The following SGCZ variants were observed in gnomAD, a reference collection of about 807,000 sequenced individuals.
The protein encoded by SGCZ is zeta-sarcoglycan.
SGCZ carries 40 observed loss-of-function variants against 41.3 expected under a neutral mutation model. That is an observed-to-expected ratio of 0.97 (90% confidence interval 0.75 to 1.26). The LOEUF (loss-of-function observed/expected upper bound fraction) is 1.26, where lower values mean the gene tolerates loss of function less well. Among genes scored for constraint, SGCZ ranks in the 50% most tolerant of loss-of-function variants. The pLI, the probability that SGCZ is intolerant of heterozygous loss-of-function variation, is 0.00. For synonymous variants in SGCZ, 206 were observed against 137.5 expected (o/e 1.50, Z -3.49); for missense variants, 552 against 369.8 (o/e 1.49, Z -4.04).
chr8:15,149,089 C>A (rs1256254244), intron 1 of SGCZ, among the ~76,000 whole-genome samples: 1 of 152,162 alleles, frequency 6.6e-6, no homozygotes, highest in East Asian at 1.9e-4. Flanking sequence ...TTAAGTGTCC[C>A]TGTTTTGAAG....
intron 2 of SGCZ, among the ~76,000 whole-genome samples, chr8:14,333,192 G>T (rs948021630): frequency 6.6e-6 from 1 of 152,030 alleles, no homozygotes; most frequent in African/African-American, 2.4e-5. Context: ...AAGGTTACCT[G>T]CTGGGAACCA....
At position 14,554,741 on chromosome 8, in the gene SGCZ, A is replaced by G. The variant is rs1240272524; in HGVS notation, c.225T>C (p.Asn75=). The change falls in exon 2 of 8, where the codon AAT becomes AAC. Residue 75 remains asparagine (N), a synonymous_variant. Transcript: ENST00000382080. The part of the protein sequence containing the change: ...AMTIWILKVM[N]FTVDGMGNLR... ...TCATAGTGGTACTTACCACAGTGAA[A>G]TTCATAACTTTCAATATCCATATTG... is the stretch of plus-strand genomic sequence containing the variant. The G allele has an allele frequency of 1.1e-5, 18 of 1,612,264 alleles. No individual in the cohort carries two copies. The highest frequency in any genetic ancestry group is 1.5e-5 in the Non-Finnish European group (18 of 1,178,988).
At chr8:14,272,462 T>G (rs1384911444) in intron 3 of SGCZ, among the ~76,000 whole-genome samples, 1 of 152,204 alleles carries the variant, frequency 6.6e-6, no homozygotes. Context: ...AAGTCCTGAC[T>G]GGTAGCACTT....
chr8:14,104,223 T>G (rs1563128736), intron 6 of SGCZ, among the ~76,000 whole-genome samples: 1 of 152,178 alleles, frequency 6.6e-6, no homozygotes, highest in African/African-American at 2.4e-5. Flanking sequence ...GTATTCATTT[T>G]TATAATTGTA....
intron 3 of SGCZ, among the ~76,000 whole-genome samples, chr8:14,242,059 A>C (rs767506892): frequency 2.0e-5 from 3 of 152,218 alleles, no homozygotes; most frequent in Non-Finnish European, 4.4e-5. Flanking sequence ...GGAGTTCCCA[A>C]TCTGGTAGCC....
intron 1 of SGCZ, among the ~76,000 whole-genome samples, chr8:14,865,171 C>T (rs949396675): frequency 5.3e-5 from 8 of 151,954 alleles, no homozygotes; most frequent in South Asian, 2.1e-4. Flanking sequence ...CAAGGTCCAC[C>T]GTCACGTGAC....
At chr8:14,137,574 TATCAGTGATTGAAAACCAA>T (rs1803239789) in intron 5 of SGCZ, among the ~76,000 whole-genome samples, 2 of 152,100 alleles carry the variant, frequency 1.3e-5, no homozygotes, top group South Asian at 4.1e-4. Flanking sequence ...GAAAAAAGGG[TATCAGTGATTGAAAACCAA>T]ATAAATGACA....
At chr8:15,227,327 C>A (rs1342624777) in intron 1 of SGCZ, among the ~76,000 whole-genome samples, 1 of 152,066 alleles carries the variant, frequency 6.6e-6, no homozygotes, top group East Asian at 1.9e-4. Context: ...AGTGGAAGAT[C>A]AAATAGGTAA....
At chr8:15,117,832 G>C (rs1807329264) in intron 1 of SGCZ, among the ~76,000 whole-genome samples, 1 of 152,028 alleles carries the variant, frequency 6.6e-6, no homozygotes, top group Admixed American at 6.6e-5. Context: ...AGTAGATCTA[G>C]GGCCAAAAAT....
At chr8:14,772,618 C>T (rs1005383188) in intron 1 of SGCZ, among the ~76,000 whole-genome samples, 1 of 141,136 alleles carries the variant, frequency 7.1e-6, no homozygotes, top group Non-Finnish European at 1.5e-5. Context: ...GTGATGTTCC[C>T]CTTCCTGGGT....
intron 1 of SGCZ, among the ~76,000 whole-genome samples, chr8:14,867,668 C>T (rs912064714): frequency 6.6e-6 from 1 of 151,988 alleles, no homozygotes; most frequent in Non-Finnish European, 1.5e-5. Flanking sequence ...AACACAGGAA[C>T]AGAAAACCAA....
At chr8:14,226,686 A>G (rs185042851) in intron 4 of SGCZ, among the ~76,000 whole-genome samples, 10 of 152,192 alleles carry the variant, frequency 6.6e-5, no homozygotes, top group Non-Finnish European at 2.9e-5. Context: ...TTTATGGTGT[A>G]AACATGTTTT....
intron 2 of SGCZ, among the ~76,000 whole-genome samples, chr8:14,379,224 G>A (rs896664691): frequency 2.0e-5 from 3 of 151,956 alleles, no homozygotes; most frequent in Non-Finnish European, 4.4e-5. Context: ...AGGAAACCCA[G>A]GAGAATCAAT....
At chr8:14,848,426 A>T (rs1309033692) in intron 1 of SGCZ, among the ~76,000 whole-genome samples, 2 of 152,166 alleles carry the variant, frequency 1.3e-5, no homozygotes, top group African/African-American at 4.8e-5. Context: ...ACCAAATAGG[A>T]GGATTAACAC....
chr8:14,925,986 CAGAT>C (rs1799736063), intron 1 of SGCZ, among the ~76,000 whole-genome samples: 1 of 152,106 alleles, frequency 6.6e-6, no homozygotes, highest in African/African-American at 2.4e-5. Context: ...GATTTGTAAA[CAGAT>C]AGCTGAAGTA....
At chr8:14,446,822 C>A (rs957338399) in intron 2 of SGCZ, among the ~76,000 whole-genome samples, 1 of 151,972 alleles carries the variant, frequency 6.6e-6, no homozygotes, top group Admixed American at 6.6e-5. Flanking sequence ...GTATATGGAC[C>A]ATTATAGTGT....
chr8:14,822,413 C>T (rs1802132164), intron 1 of SGCZ, among the ~76,000 whole-genome samples: 1 of 152,042 alleles, frequency 6.6e-6, no homozygotes, highest in Admixed American at 6.6e-5. Context: ...TCATACCACC[C>T]AAAGTGATCT....
chr8:14,239,901 CAAAAAAAAAAAAAAAA>C lies in SGCZ; in HGVS notation c.337-2238_337-2223del, dbSNP rs71209029. ...TGGGCGACAGAGCGAGACTCCGTCT[CAAAAAAAAAAAAAAAA>C]AAAAAAAAAAAAAAAAAAAGAATTA... On this transcript the variant is annotated intron_variant, in intron 3 of 7. Transcript: ENST00000382080. Among the ~76,000 whole-genome samples the C allele has an allele frequency of 2.9e-4, 12 of 41,360 alleles. No homozygotes were observed. The East Asian group carries it at 5.2e-3, about 18-fold the overall frequency. The allele number at this position is 41,360 out of a possible 152,430, so 27.1% of individuals were successfully genotyped here. A position where few individuals can be genotyped will look rare whatever the true frequency, so the allele number is the denominator to read the frequency against.
chr8:15,128,838 T>C (rs886232403), intron 1 of SGCZ, among the ~76,000 whole-genome samples: 1 of 152,124 alleles, frequency 6.6e-6, no homozygotes, highest in African/African-American at 2.4e-5. Flanking sequence ...TCCTTCCCCT[T>C]AGACTGCTGA....
Sources: allele counts gnomAD v4.1 joint callset (sites outside exome capture counted in the v4.1 genomes callset), GRCh38; gene constraint gnomAD v4.1.1; transcripts MANE v1.5; gene names NCBI Gene and HGNC (gene_info 2026-07-23, HGNC 2026-07-21).